Variants in PMS2 observed in about 807,000 individuals in gnomAD.
PMS2 encodes the protein PMS1 homolog 2, mismatch repair system component.
PMS2 carries 69 observed loss-of-function variants against 90.0 expected under a neutral mutation model. The observed-to-expected ratio is 0.77, with a 90% confidence interval of 0.63 to 0.94. The LOEUF (loss-of-function observed/expected upper bound fraction) is 0.94. PMS2 is among the 40% of genes least tolerant of loss of function. The probability of loss-of-function intolerance (pLI) is 0.00; values close to 1 mark genes in which losing one functional copy is unlikely to be tolerated. For synonymous variants in PMS2, 332 were observed against 375.1 expected (o/e 0.89, Z 1.33); for missense variants, 966 against 1,040.2 (o/e 0.93, Z 0.98).
Position 5,995,970 on chromosome 7 carries a change from G to A in PMS2, c.804-337C>T, listed in dbSNP as rs943674317. 4.6e-5 allele frequency among the ~76,000 whole-genome samples: 7 copies of A among 152,106 alleles called. No homozygotes were observed. The East Asian group carries it at 7.7e-4, about 17-fold the overall frequency. ...CTTCAAATGCATTCTCAGAACCTCCGTGCTGCCACCCCTGGTTTGTCAATG... is the reference window on the plus strand; with the variant it reads ...CTTCAAATGCATTCTCAGAACCTCCATGCTGCCACCCCTGGTTTGTCAATG... On this transcript the variant is annotated intron_variant, in intron 7 of 14. Transcript: ENST00000265849.
intron 6 of PMS2, 65 bp downstream of exon 6, chr7:5,999,043 G>A (rs1272512441): frequency 1.5e-5 from 22 of 1,459,608 alleles, no homozygotes; most frequent in Non-Finnish European, 2.1e-5. Flanking sequence ...TACTGGAAGG[G>A]ACAATGGAAA....
In PMS2 at chr7:5,995,759, A is replaced by G. The variant is rs569361397; in HGVS notation, c.804-126T>C. 6.6e-5 allele frequency: 49 copies of G among 739,424 alleles called. No individual in the cohort carries two copies. The East Asian group carries it at 1.2e-3, about 19-fold the overall frequency. The allele number at this position is 739,424 out of a possible 1,614,324, so 45.8% of individuals were successfully genotyped here. On this transcript the variant is annotated intron_variant, in intron 7 of 14. Coordinates refer to ENST00000265849, the MANE Select transcript of PMS2 (RefSeq NM_000535.7). ...AGGTGACATGCTGATAAGGATCACT[A>G]TTGCAGTTCACGGGTATCTGTGCTC... is the stretch of plus-strand genomic sequence containing the variant.
At chr7:6,004,800 A>C (rs994560166) in intron 2 of PMS2, among the ~76,000 whole-genome samples, 1 of 152,172 alleles carries the variant, frequency 6.6e-6, no homozygotes, top group Non-Finnish European at 1.5e-5. Flanking sequence ...AAAAAAAGGA[A>C]ATTTCCTATC....
intron 13 of PMS2, 101 bp downstream of exon 13, chr7:5,978,495 T>G (rs1781958141): frequency 8.3e-7 from 1 of 1,202,326 alleles, no homozygotes; most frequent in Non-Finnish European, 1.2e-6. Flanking sequence ...GGTCTCAAAC[T>G]CCTGACCTCA....
intron 9 of PMS2, among the ~76,000 whole-genome samples, chr7:5,991,335 G>A (rs1018938904): frequency 1.8e-4 from 27 of 151,606 alleles, no homozygotes; most frequent in African/African-American, 6.0e-4. Context: ...GTACATATGT[G>A]TTTCTAAGTA....
chr7:5,997,119 C>T (rs1784491256), intron 7 of PMS2, among the ~76,000 whole-genome samples: 1 of 151,448 alleles, frequency 6.6e-6, no homozygotes, highest in Admixed American at 6.6e-5. Context: ...GAGGCTGAGG[C>T]AGGAGAATTG....
intron 3 of PMS2, 78 bp from the exon 4 acceptor site, chr7:6,003,870 G>C: frequency 7.9e-7 from 1 of 1,272,278 alleles, no homozygotes; most frequent in Non-Finnish European, 1.2e-6. Flanking sequence ...CTAGTAACTG[G>C]CTTTAAAAAA....
intron 5 of PMS2, among the ~76,000 whole-genome samples, chr7:6,000,674 A>C (rs1784992714): frequency 6.6e-6 from 1 of 152,112 alleles, no homozygotes; most frequent in South Asian, 2.1e-4. Context: ...AGAAAATTTA[A>C]ATTTGTGAAA....
In PMS2 at chr7:6,006,021, C is replaced by T. The variant is rs1481967985; in HGVS notation, c.34G>A (p.Ala12Thr). 1.2e-6 allele frequency: 2 copies of T among 1,610,576 alleles called. No individual in the cohort carries two copies. Among genetic ancestry groups the T allele is most frequent in the East Asian group, 2.2e-5 (1 of 44,888 alleles). Reference protein sequence around the residue: ...ERAESSSTEPAKAIKPIDRKS... With the variant: ...ERAESSSTEPTKAIKPIDRKS... ...CGATCAATAGGTTTGATGGCCTTAG[C>T]AGGTTCTGTACTAGAGAAATCAGTT... The change falls in exon 2 of 15, where the codon GCT becomes ACT. Residue 12 changes from alanine (A) to threonine (T), a missense_variant. Physicochemically the swap from Ala to Thr is moderately conservative, Grantham distance 58. Around this residue, in one of 2 missense-constraint regions of PMS2, gnomAD observed 871 missense variants for 802.4 expected, o/e 1.09. Coordinates refer to ENST00000265849, the MANE Select transcript of PMS2 (RefSeq NM_000535.7).
chr7:5,989,494 A>G (rs1279899059), intron 10 of PMS2, among the ~76,000 whole-genome samples: 1 of 151,938 alleles, frequency 6.6e-6, no homozygotes, highest in Non-Finnish European at 1.5e-5. Context: ...TTCTAATCAT[A>G]TATCTTATAT....
chr7:5,998,077 G>GTTTT (rs1181173881), intron 6 of PMS2, among the ~76,000 whole-genome samples: 1 of 130,874 alleles, frequency 7.6e-6, no homozygotes, highest in Admixed American at 7.6e-5. Context: ...TAGGTACTTT[G>GTTTT]TTTTTTTTTT....
rs762579299 is a variant in PMS2, at chr7:5,987,161, G to T, written c.1604C>A (p.Ser535Tyr). 6.2e-7 allele frequency: 1 copy of T among 1,613,860 alleles called. No homozygotes were observed. Among genetic ancestry groups the T allele is most frequent in the South Asian group, 1.1e-5 (1 of 91,078 alleles). Residue 535 changes from serine to tyrosine, a missense_variant, in exon 11 of 15, where the codon TCT becomes TAT. By Grantham distance (144) the Ser-to-Tyr change is moderately radical. Transcript: ENST00000265849. The stretch of plus-strand genomic sequence containing the variant: ...GTCAGTTTTAGGCGCTTTCTCCTGA[G>T]AGTCCACATGTTCCTGCGAGCCCCT... ...GDRGSQEHVD[S>Y]QEKAPKTDDS...
intron 1 of PMS2, 70 bp downstream of exon 1, chr7:6,008,927 G>A (rs1223529487): frequency 3.2e-6 from 5 of 1,577,206 alleles, no homozygotes; most frequent in Non-Finnish European, 3.5e-6. Flanking sequence ...TTTCCAGGGA[G>A]GTTGGAATGC....
intron 5 of PMS2, among the ~76,000 whole-genome samples, chr7:6,000,167 G>A (rs755330638): frequency 1.3e-5 from 2 of 151,848 alleles, no homozygotes; most frequent in Non-Finnish European, 2.9e-5. Context: ...TTGAGCCCAC[G>A]AGTTCGAGAC....
chr7:5,993,496 G>A (rs1037217500), intron 8 of PMS2, among the ~76,000 whole-genome samples: 4 of 150,846 alleles, frequency 2.7e-5, no homozygotes, highest in Non-Finnish European at 5.9e-5. Flanking sequence ...TTAAATCTGA[G>A]GCAGAAGTAA....
intron 1 of PMS2, among the ~76,000 whole-genome samples, chr7:6,007,236 C>T (rs565159096): frequency 3.3e-5 from 5 of 152,220 alleles, no homozygotes; most frequent in African/African-American, 9.6e-5. Context: ...CTATCTCAGC[C>T]TCCCAAGTAG....
rs139969671 is a variant in PMS2, at chr7:5,991,962, A to G, written c.988+11T>C. ...AGTCACTAGTTGTACTGAAATGCCA[A>G]TGGAACTTACCTGAATCAACAGAAA... is the stretch of plus-strand genomic sequence containing the variant. On this transcript the variant is annotated intron_variant, in intron 9 of 14. Transcript: ENST00000265849. 3.5e-4 allele frequency: 487 copies of G among 1,392,656 alleles called. 1 individual carries two copies. Among genetic ancestry groups the G allele is most frequent in the East Asian group, 5.0e-4 (22 of 43,822 alleles). 86.3% of individuals were successfully genotyped at this position (1,392,656 alleles called of 1,614,324 possible).
upstream of PMS2, chr7:6,009,077 G>A (rs764212548): frequency 2.3e-5 from 37 of 1,594,264 alleles, no homozygotes; most frequent in Middle Eastern, 4.2e-4. Context: ...GGCTCCCACA[G>A]GCGCTCCGCC....
At chr7:5,988,550 G>A (rs1348149300) in intron 10 of PMS2, among the ~76,000 whole-genome samples, 1 of 152,130 alleles carries the variant, frequency 6.6e-6, no homozygotes, top group African/African-American at 2.4e-5. Context: ...GCGACAGAGT[G>A]AGACTCCCTC....
Sources: gnomAD v4.1 joint callset for allele counts (sites outside exome capture counted in the v4.1 genomes callset) on GRCh38, gnomAD v4.1.1 for gene constraint, gnomAD v4.1.1 regional missense constraint, MANE v1.5 for transcripts, NCBI Gene and HGNC (gene_info 2026-07-23, HGNC 2026-07-21) for gene names.